Variants in C5 observed in about 807,000 individuals in gnomAD.
The protein encoded by C5 is C3 and PZP-like alpha-2-macroglobulin domain-containing protein 4.
In C5, 140 loss-of-function variants were observed where a neutral mutation model predicts 218.8. The ratio of observed to expected loss-of-function variants is 0.64; its 90% confidence interval spans 0.56 to 0.74. The LOEUF is 0.74. Ranked by LOEUF, C5 falls within the 30% of genes least tolerant of loss-of-function variation. The pLI is 0.00. For synonymous variants in C5, 614 were observed against 682.3 expected, an observed-to-expected ratio of 0.90 and a Z score of 1.56; for missense variants, 1,700 against 1,969.6, an observed-to-expected ratio of 0.86 and a Z score of 2.59.
Position 121,046,294 on chromosome 9 carries a change from G to A in C5, c.155C>T (p.Ala52Val). 1.9e-6 allele frequency: 3 copies of A among 1,607,276 alleles called. No homozygotes were observed. Among genetic ancestry groups the A allele is most frequent in the East Asian group, 2.2e-5 (1 of 44,698 alleles). The change falls in exon 2 of 41, where the codon GCA becomes GTA. Residue 52 changes from alanine (A) to valine (V), a missense_variant. Ala to Val is a moderately conservative substitution (Grantham distance 64). Coordinates refer to ENST00000223642, the MANE Select transcript of C5 (RefSeq NM_001735.3). ...AGGATAACTTTTAATAGAGATTGTT[G>A]CATCAAATGCTTCAGTGTATCCATA... ...QVYGYTEAFDATISIKSYPDK... is the reference protein window; with the variant it reads ...QVYGYTEAFDVTISIKSYPDK...
At chr9:120,995,528 G>T (rs1440472065) in intron 22 of C5, among the ~76,000 whole-genome samples, 1 of 152,044 alleles carries the variant, frequency 6.6e-6, no homozygotes, top group East Asian at 1.9e-4. Context: ...TGAGGAATGG[G>T]TTTGTTTAGT....
At position 121,017,498 on chromosome 9, in the gene C5, G is replaced by A. The variant is rs1270460540; in HGVS notation, c.1730C>T (p.Pro577Leu). 1 of 1,613,634 alleles carries A rather than the reference G, an allele frequency of 6.2e-7. No homozygotes were observed. The highest frequency in any genetic ancestry group is 1.3e-5 in the African/African-American group (1 of 75,044). Residue 577 changes from proline to leucine, a missense_variant, in exon 14 of 41, where the codon CCT becomes CTT. Coordinates refer to ENST00000223642, the MANE Select transcript of C5 (RefSeq NM_001735.3). ...GCCTGGAGAATATGCATCTGCATCAGGAGACAGATGAACCTAAAAGTTCAT... is the reference window on the plus strand; with the variant it reads ...GCCTGGAGAATATGCATCTGCATCAAGAGACAGATGAACCTAAAAGTTCAT... ...CGNQLQVHLS[P>L]DADAYSPGQT...
chr9:120,982,248 G>C (rs1452716456), intron 26 of C5, among the ~76,000 whole-genome samples: 1 of 152,190 alleles, frequency 6.6e-6, no homozygotes, highest in African/African-American at 2.4e-5. Flanking sequence ...CTGACCTCAT[G>C]ATCCGCCCGC....
Position 120,958,409 on chromosome 9 carries a change from A to C in C5, c.4679-1041T>G, listed in dbSNP as rs572625493. On this transcript the variant is annotated intron_variant, in intron 38 of 40. Coordinates refer to ENST00000223642, the MANE Select transcript of C5 (RefSeq NM_001735.3). ...CCAAATTGCATTTATTCTCTGTGTT[A>C]AAATAGATTTCTGATATTTTAGATT... Among the ~76,000 whole-genome samples the C allele has an allele frequency of 1.2e-4, 19 of 152,360 alleles. No homozygotes were observed. The East Asian group carries it at 2.9e-3, about 23-fold the overall frequency.
intron 14 of C5, among the ~76,000 whole-genome samples, chr9:121,016,803 G>A (rs1004623346): frequency 3.3e-5 from 5 of 152,156 alleles, no homozygotes; most frequent in East Asian, 1.9e-4. Context: ...GAGGTCCCTA[G>A]GTTCTAAATG....
At chr9:121,015,501 G>A (rs1257638004) in intron 15 of C5, among the ~76,000 whole-genome samples, 1 of 152,054 alleles carries the variant, frequency 6.6e-6, no homozygotes, top group Admixed American at 6.5e-5. Context: ...ATTTGGTTTT[G>A]AATCCTGCAG....
chr9:121,009,894 A>G (rs2047247671), intron 17 of C5, among the ~76,000 whole-genome samples: 1 of 152,056 alleles, frequency 6.6e-6, no homozygotes, highest in Non-Finnish European at 1.5e-5. Flanking sequence ...TCAGTGTTGC[A>G]CTGTCACGGT....
chr9:120,954,709 A>G (rs943921567), intron 39 of C5, among the ~76,000 whole-genome samples: 2 of 152,256 alleles, frequency 1.3e-5, no homozygotes, highest in Non-Finnish European at 1.5e-5. Flanking sequence ...GTTCTGGCAG[A>G]GTCATCTTAA....
intron 34 of C5, 94 bp downstream of exon 34, chr9:120,963,542 G>A (rs1293085291): frequency 2.2e-6 from 2 of 891,192 alleles, no homozygotes; most frequent in African/African-American, 1.7e-5. Context: ...CTATAAAAGT[G>A]GTATATTCAA....
At chr9:120,998,837 A>G (rs967615243) in intron 20 of C5, among the ~76,000 whole-genome samples, 2 of 152,256 alleles carry the variant, frequency 1.3e-5, no homozygotes, top group African/African-American at 4.8e-5. Context: ...ACCCAAAATA[A>G]TAAATCCATA....
upstream of C5, among the ~76,000 whole-genome samples, chr9:121,054,898 CG>C (rs945854118): frequency 9.2e-5 from 14 of 151,874 alleles, no homozygotes; most frequent in African/African-American, 3.4e-4. Context: ...AAGAGACAGA[CG>C]TTTGCCATTG....
chr9:121,066,514 A>G, the C5 span, among the ~76,000 whole-genome samples: 1 of 152,040 alleles, frequency 6.6e-6, no homozygotes, highest in Non-Finnish European at 1.5e-5. Flanking sequence ...ATTATTTACT[A>G]AAAAGTTGCA....
chr9:121,055,585 AT>A, the C5 span, among the ~76,000 whole-genome samples: 1 of 152,272 alleles, frequency 6.6e-6, no homozygotes, highest in Non-Finnish European at 1.5e-5. Flanking sequence ...GAAGCCCCCG[AT>A]TCCAGGCTTT....
intron 31 of C5, among the ~76,000 whole-genome samples, chr9:120,970,812 A>G (rs1271022180): frequency 1.3e-5 from 2 of 152,230 alleles, no homozygotes; most frequent in African/African-American, 4.8e-5. Flanking sequence ...TATTAATAGG[A>G]TGTTAATTTA....
At chr9:120,992,558 A>G (rs1307839979) in intron 22 of C5, among the ~76,000 whole-genome samples, 9 of 152,170 alleles carry the variant, frequency 5.9e-5, no homozygotes, top group Non-Finnish European at 1.3e-4. Context: ...CTCCTTCACC[A>G]TTTTCTCCAT....
chr9:121,012,591 T>A (rs557132171), intron 17 of C5, among the ~76,000 whole-genome samples: 2 of 152,344 alleles, frequency 1.3e-5, no homozygotes, highest in Admixed American at 1.3e-4. Context: ...TCTCAATGAA[T>A]ATATTTCTAC....
chr9:120,960,208 T>G, intron 38 of C5, 40 bp downstream of exon 38: 1 of 1,280,490 alleles, frequency 7.8e-7, no homozygotes, highest in Non-Finnish European at 1.1e-6. Flanking sequence ...ATTCATAAAA[T>G]TTCATGTTTA....
At chr9:120,953,327 T>C (rs1254017608) in intron 40 of C5, among the ~76,000 whole-genome samples, 1 of 152,230 alleles carries the variant, frequency 6.6e-6, no homozygotes, top group Non-Finnish European at 1.5e-5. Context: ...CACAAACCCT[T>C]AAGGAATTGT....
intron 31 of C5, among the ~76,000 whole-genome samples, chr9:120,970,516 C>T (rs1441614590): frequency 6.6e-6 from 1 of 152,182 alleles, no homozygotes; most frequent in Admixed American, 6.5e-5. Flanking sequence ...CAAATCTGGG[C>T]ACCTCACTCT....
Sources: gnomAD v4.1 joint callset for allele counts (sites outside exome capture counted in the v4.1 genomes callset) on GRCh38, gnomAD v4.1.1 for gene constraint, MANE v1.5 for transcripts, NCBI Gene and HGNC (gene_info 2026-07-23, HGNC 2026-07-21) for gene names.